FANCA: variants seen among roughly 807,000 people sequenced by gnomAD.
FANCA encodes FA complementation group A, also known as Fanconi anemia group A protein.
In FANCA, 236 loss-of-function variants were observed where a neutral mutation model predicts 194.3. The observed-to-expected ratio is 1.21, with a 90% confidence interval of 1.09 to 1.35. The LOEUF (loss-of-function observed/expected upper bound fraction) is 1.35. Ranked by LOEUF, FANCA falls within the 40% of genes most tolerant of loss-of-function variation. FANCA has a pLI of 0.00. For synonymous variants in FANCA, 1,014 were observed against 715.8 expected (o/e 1.42, Z -6.65); for missense variants, 2,628 against 1,813.9 (o/e 1.45, Z -8.15).
At chr16:89,739,749 G>C (rs892757324) in intron 39 of FANCA, 196 bp from the exon 40 acceptor site, 1 of 1,488,400 alleles carries the variant, frequency 6.7e-7, no homozygotes, top group Non-Finnish European at 8.9e-7. Context: ...CCTCTTGCAG[G>C]AGGGTGGGTG....
In FANCA at chr16:89,816,534, T is replaced by A; in HGVS notation, c.79+3A>T. ...ACTCCCGCGGCCTGCCGCGCCCACC[T>A]ACCCAGCAGCTCGGCCCAGGCCCTC... On this transcript the variant is annotated splice_donor_region_variant and intron_variant, in intron 1 of 42. Transcript: ENST00000389301. 15 of 1,493,028 alleles carry A rather than the reference T, an allele frequency of 1.0e-5. No homozygotes were observed. Among genetic ancestry groups the A allele is most frequent in the Non-Finnish European group, 1.3e-5 (15 of 1,128,408 alleles). The allele number at this position is 1,493,028 out of a possible 1,614,324, so 92.5% of individuals were successfully genotyped here. A position where few individuals can be genotyped will look rare whatever the true frequency, so the allele number is the denominator to read the frequency against.
rs566547053 is a variant in FANCA, at chr16:89,769,859, C to G, written c.2482G>C (p.Asp828His). 1.2e-6 allele frequency: 2 copies of G among 1,614,096 alleles called. No individual in the cohort carries two copies. The highest frequency in any genetic ancestry group is 2.2e-5 in the South Asian group (2 of 91,084). ...CACTTCAGGCAGAAGAACAAGGAAT[C>G]CCTCGTCCTACAGGTCAGGAGGCTG... is the stretch of plus-strand genomic sequence containing the variant. ...FDSLLTCRTRDSLFFCLKFCT... is the reference protein window; with the variant it reads ...FDSLLTCRTRHSLFFCLKFCT... The change falls in exon 26 of 43, where the codon GAT becomes CAT. Residue 828 changes from aspartate to histidine, a missense_variant. Asp to His is a moderately conservative substitution (Grantham distance 81). Transcript: ENST00000389301.
chr16:89,809,545 C>G (rs1443779337), intron 5 of FANCA, among the ~76,000 whole-genome samples: 1 of 151,910 alleles, frequency 6.6e-6, no homozygotes, highest in Non-Finnish European at 1.5e-5. Context: ...GAAACCTCAT[C>G]TCTACTAAAG....
intron 11 of FANCA, 56 bp downstream of exon 11, chr16:89,795,850 G>A: frequency 1.5e-6 from 2 of 1,302,456 alleles, no homozygotes; most frequent in Non-Finnish European, 2.2e-6. Context: ...AAGGCAACAA[G>A]GCAACAGCAA....
chr16:89,760,058 G>A (rs1397893189), intron 29 of FANCA, among the ~76,000 whole-genome samples: 1 of 152,260 alleles, frequency 6.6e-6, no homozygotes, highest in Admixed American at 6.5e-5. Context: ...AACTGGCACA[G>A]AATGTATCTA....
chr16:89,798,797 G>T lies in FANCA; in HGVS notation c.893+369C>A, dbSNP rs79722689. The stretch of plus-strand genomic sequence containing the variant: ...CAGCTACAGTGTGTTCTAGAAATGT[G>T]GGGGGCTGAGAGGCAGGGCCAGCTC... On this transcript the variant is annotated intron_variant, in intron 10 of 42. Coordinates refer to ENST00000389301, the MANE Select transcript of FANCA (RefSeq NM_000135.4). 5 of 1,431,462 alleles carry T rather than the reference G, an allele frequency of 3.5e-6. No individual in the cohort carries two copies. In the South Asian group the frequency reaches 4.3e-5, roughly 12 times the overall value. The allele number at this position is 1,431,462 out of a possible 1,614,324, so 88.7% of individuals were successfully genotyped here.
chr16:89,768,357 A>G (rs988304282), intron 26 of FANCA, among the ~76,000 whole-genome samples: 2 of 152,220 alleles, frequency 1.3e-5, no homozygotes, highest in African/African-American at 4.8e-5. Context: ...TTACAGTTCT[A>G]ATACTTCTGT....
chr16:89,816,067 C>G, intron 1 of FANCA, 81 bp from the exon 2 acceptor site: 4 of 1,040,626 alleles, frequency 3.8e-6, no homozygotes, highest in Non-Finnish European at 6.0e-6. Context: ...GTGGACGCCG[C>G]GGAGAAACCC....
rs770552398 is a variant in FANCA at position 89,803,291 on chromosome 16, T to G, written c.760A>C (p.Arg254=). The change falls in exon 8 of 43, where the codon AGA becomes CGA. Residue 254 remains arginine, a synonymous_variant. Transcript: ENST00000389301. ...LRGFQKNSDL[R]RTVEPEKMPQ... Reference sequence around the variant, plus strand: ...ATTTTTTCAGGCTCCACAGTTCTTCTCAGATCTGAGTTTTTCTGAAATCCC... The same window carrying G: ...ATTTTTTCAGGCTCCACAGTTCTTCGCAGATCTGAGTTTTTCTGAAATCCC... The G allele has an allele frequency of 1.2e-6, 2 of 1,614,098 alleles. No homozygotes were observed. Among genetic ancestry groups the G allele is most frequent in the Admixed American group, 1.7e-5 (1 of 60,000 alleles).
intron 10 of FANCA, among the ~76,000 whole-genome samples, chr16:89,797,863 C>G (rs1454636328): frequency 1.3e-5 from 2 of 151,888 alleles, no homozygotes; most frequent in Non-Finnish European, 1.5e-5. Context: ...CCACTGCACT[C>G]CAGCCTGGGC....
Position 89,792,478 on chromosome 16 carries a change from TAC to T in FANCA, c.1074_1075del (p.Tyr359ProfsTer49), listed in dbSNP as rs878853660. 6.2e-7 allele frequency: 1 copy of T among 1,613,150 alleles called. No homozygotes were observed. Among genetic ancestry groups the T allele is most frequent in the African/African-American group, 1.3e-5 (1 of 74,878 alleles). ...AATACCACATCCACTCACCCTGCGG[TAC>T]AGTGAGGTGAGCAGAGGGTGTGTCC... On this transcript the variant is annotated frameshift_variant, in exon 12 of 43. Coordinates refer to ENST00000389301, the MANE Select transcript of FANCA (RefSeq NM_000135.4). LOFTEE classifies it high-confidence loss of function.
At chr16:89,770,472 C>T (rs972643135) in intron 24 of FANCA, 92 bp downstream of exon 24, 15 of 1,264,246 alleles carry the variant, frequency 1.2e-5, no homozygotes, top group African/African-American at 7.4e-5. Context: ...CCTGCGGAGA[C>T]GAGCTCATGA....
intron 30 of FANCA, 136 bp downstream of exon 30, chr16:89,758,441 T>G: frequency 1.0e-6 from 1 of 973,060 alleles, no homozygotes; most frequent in Non-Finnish European, 1.6e-6. Flanking sequence ...GAGACTGACA[T>G]TTGGGTATAG....
At chr16:89,745,117 C>T in intron 35 of FANCA, 46 bp from the exon 36 acceptor site, 3 of 1,507,584 alleles carry the variant, frequency 2.0e-6, no homozygotes, top group Non-Finnish European at 1.8e-6. Context: ...CTGAGATGGA[C>T]ACACCTCCGC....
chr16:89,744,933 C>T (rs1469615477), intron 36 of FANCA, 26 bp downstream of exon 36: 2 of 1,600,516 alleles, frequency 1.2e-6, no homozygotes, highest in East Asian at 2.2e-5. Context: ...TGGGCGGGCA[C>T]ACCCCATCTC....
intron 14 of FANCA, among the ~76,000 whole-genome samples, chr16:89,788,969 C>A (rs2039981704): frequency 1.3e-5 from 2 of 152,080 alleles, no homozygotes; most frequent in Admixed American, 1.3e-4. Context: ...GTATTCCTCT[C>A]CCAACTGTCG....
At chr16:89,801,886 T>A (rs2040467688) in intron 8 of FANCA, among the ~76,000 whole-genome samples, 2 of 150,554 alleles carry the variant, frequency 1.3e-5, no homozygotes, top group Admixed American at 6.6e-5. Context: ...AGACACCGTC[T>A]CAAAAAAACA....
At chr16:89,776,463 A>G (rs938387967) in intron 20 of FANCA, among the ~76,000 whole-genome samples, 1 of 150,880 alleles carries the variant, frequency 6.6e-6, no homozygotes, top group African/African-American at 2.4e-5. Context: ...CACCACGCCC[A>G]GCAAAACATG....
intron 14 of FANCA, among the ~76,000 whole-genome samples, chr16:89,790,262 C>T (rs1010367143): frequency 7.9e-5 from 12 of 151,370 alleles, no homozygotes; most frequent in Admixed American, 2.6e-4. Context: ...GGTGTGGTGG[C>T]GAACGCCTGT....
Sources: gnomAD v4.1 joint callset for allele counts (sites outside exome capture counted in the v4.1 genomes callset) on GRCh38, gnomAD v4.1.1 for gene constraint, MANE v1.5 for transcripts, NCBI Gene and HGNC (gene_info 2026-07-23, HGNC 2026-07-21) for gene names.